Variants in MARCHF1 observed in about 807,000 individuals in gnomAD.
MARCHF1 encodes membrane associated ring-CH-type finger 1.
In MARCHF1, 40 loss-of-function variants were observed where a neutral mutation model predicts 54.2. The observed-to-expected ratio is 0.74, with a 90% CI of 0.57 to 0.96. The LOEUF is 0.96. Ranked by LOEUF, MARCHF1 falls within the 40% of genes least tolerant of loss-of-function variation. The pLI is 0.00. For missense variants in MARCHF1, 586 were observed against 656.5 expected (o/e 0.89, Z 1.17); for synonymous variants, 236 against 236.3 (o/e 1.00, Z 0.01).
intron 1 of MARCHF1, among the ~76,000 whole-genome samples, chr4:164,270,330 C>T (rs995419016): frequency 6.6e-6 from 1 of 152,158 alleles, no homozygotes; most frequent in South Asian, 2.1e-4. Flanking sequence ...AGCTTTCCTG[C>T]CCACCCTATT....
rs537702155 is a variant in MARCHF1, at chr4:164,311,238, G to A, written c.-323+72632C>T. 1.4e-4 allele frequency among the ~76,000 whole-genome samples: 22 copies of A among 152,068 alleles called. 1 individual carries two copies. In the East Asian group the frequency reaches 1.7e-3, roughly 12 times the overall value. On this transcript the variant is annotated intron_variant, in intron 1 of 9. Transcript: ENST00000514618. ...AGGATGATTACTACTCATAATACCC[G>A]AGGTTTTCTTAAATAACTCTCAGTT...
chr4:163,718,977 G>T (rs1423195833), intron 4 of MARCHF1, among the ~76,000 whole-genome samples: 3 of 152,126 alleles, frequency 2.0e-5, no homozygotes, highest in African/African-American at 4.8e-5. Context: ...TCTGCCACAT[G>T]TCCAACTCTA....
intron 8 of MARCHF1, among the ~76,000 whole-genome samples, chr4:163,556,776 G>C (rs1039094580): frequency 6.6e-6 from 1 of 151,680 alleles, no homozygotes; most frequent in Admixed American, 6.6e-5. Flanking sequence ...CATTTTATCA[G>C]TACTTTGATA....
At chr4:163,871,442 A>G (rs1387039016) in intron 3 of MARCHF1, among the ~76,000 whole-genome samples, 15 of 152,122 alleles carry the variant, frequency 9.9e-5, no homozygotes, top group Admixed American at 9.8e-4. Flanking sequence ...ACCAATATCA[A>G]AACTCTACTT....
intron 4 of MARCHF1, among the ~76,000 whole-genome samples, chr4:163,764,135 G>T (rs998501738): frequency 6.6e-6 from 1 of 152,002 alleles, no homozygotes; most frequent in African/African-American, 2.4e-5. Context: ...TATATTCCTT[G>T]AGGGTTTAGT....
chr4:163,609,176 C>T (rs1337030275), intron 7 of MARCHF1, among the ~76,000 whole-genome samples: 3 of 152,038 alleles, frequency 2.0e-5, no homozygotes, highest in African/African-American at 7.2e-5. Flanking sequence ...ACTGTGACTG[C>T]TCTTCTGCAG....
At chr4:164,155,649 G>T (rs28651896) in intron 1 of MARCHF1, among the ~76,000 whole-genome samples, 26,971 of 151,956 alleles carry the variant, frequency 0.18, 3,670 homozygotes, top group African/African-American at 0.36. Flanking sequence ...TGACATAGAG[G>T]ATGGAATAAT....
At chr4:164,199,677 C>G (rs373945752) in intron 1 of MARCHF1, among the ~76,000 whole-genome samples, 9,574 of 58,534 alleles carry the variant, frequency 0.16, 435 homozygotes, top group Middle Eastern at 0.25. Flanking sequence ...CACACACACA[C>G]ACACAGAGAG....
rs755203559 is a variant in MARCHF1, at chr4:164,197,351, C to A, written c.-322-85689G>T. The A allele has an allele frequency of 1.9e-6, 3 of 1,612,666 alleles. No individual in the cohort carries two copies. In the South Asian group the frequency reaches 3.3e-5, roughly 18 times the overall value. On this transcript the variant is annotated intron_variant, in intron 1 of 9. Transcript: ENST00000514618. Reference sequence around the variant, plus strand: ...TCTCCGTAGTCGTTCAGGTTGGTTACCTCGCAATTGAAAAGGTCTAAGCTC... The same window carrying A: ...TCTCCGTAGTCGTTCAGGTTGGTTAACTCGCAATTGAAAAGGTCTAAGCTC...
chr4:163,904,351 G>A (rs1751008710), intron 3 of MARCHF1, among the ~76,000 whole-genome samples: 2 of 152,184 alleles, frequency 1.3e-5, no homozygotes, highest in Admixed American at 1.3e-4. Context: ...TAGCTTCTGA[G>A]AGTAACTGTT....
At position 163,696,466 on chromosome 4, in the gene MARCHF1, C is replaced by T. The variant is rs1244880566; in HGVS notation, c.162+4347G>A. 2.6e-5 allele frequency among the ~76,000 whole-genome samples: 4 copies of T among 152,112 alleles called. No homozygotes were observed. In the East Asian group the frequency reaches 7.7e-4, roughly 29 times the overall value. On this transcript the variant is annotated intron_variant, in intron 5 of 9. Coordinates refer to ENST00000514618, the MANE Select transcript of MARCHF1 (RefSeq NM_001394959.1). ...ATTTCTCTGTTTCTAAGCCAGATGA[C>T]ACTTCAGTGACTGCTGTTGAGCACC...
At chr4:164,176,882 T>C (rs955186910) in intron 1 of MARCHF1, among the ~76,000 whole-genome samples, 4 of 149,948 alleles carry the variant, frequency 2.7e-5, no homozygotes, top group African/African-American at 9.7e-5. Context: ...ATTTTATTCT[T>C]AGATTTTTCT....
chr4:163,898,657 A>G (rs1750870445), intron 3 of MARCHF1, among the ~76,000 whole-genome samples: 1 of 152,122 alleles, frequency 6.6e-6, no homozygotes, highest in Non-Finnish European at 1.5e-5. Context: ...TAGAAATATC[A>G]CTCAACCTAT....
intron 1 of MARCHF1, among the ~76,000 whole-genome samples, chr4:164,275,660 T>C (rs1469964677): frequency 6.6e-6 from 1 of 151,362 alleles, no homozygotes; most frequent in African/African-American, 2.4e-5. Flanking sequence ...TAAATTGTCA[T>C]GCATTGTTAA....
chr4:163,584,232 T>C (rs1180684712), intron 8 of MARCHF1: 2 of 151,806 alleles, frequency 1.3e-5, no homozygotes, highest in Non-Finnish European at 2.9e-5. Flanking sequence ...AAGAGAAAAT[T>C]AGAATATGTT....
chr4:164,062,251 C>G (rs1754634537), intron 2 of MARCHF1, among the ~76,000 whole-genome samples: 1 of 152,258 alleles, frequency 6.6e-6, no homozygotes, highest in East Asian at 1.9e-4. Flanking sequence ...GCTTCTAACT[C>G]TAGTACTCTC....
At chr4:163,797,620 A>G (rs1178387700) in intron 4 of MARCHF1, among the ~76,000 whole-genome samples, 1 of 151,294 alleles carries the variant, frequency 6.6e-6, no homozygotes, top group Non-Finnish European at 1.5e-5. Context: ...TTGGTTTGAT[A>G]CTCCAGTTCA....
chr4:164,326,817 C>A (rs900764425), intron 1 of MARCHF1, among the ~76,000 whole-genome samples: 6 of 152,046 alleles, frequency 3.9e-5, no homozygotes, highest in African/African-American at 1.4e-4. Flanking sequence ...AAACTAAAGG[C>A]TTCCTGTAGT....
intron 1 of MARCHF1, among the ~76,000 whole-genome samples, chr4:164,175,716 T>G (rs951193337): frequency 2.6e-5 from 4 of 152,210 alleles, no homozygotes; most frequent in Non-Finnish European, 2.9e-5. Context: ...CCAGTCTGTC[T>G]TCAGACTGAA....
Sources: gnomAD v4.1 joint callset for allele counts (sites outside exome capture counted in the v4.1 genomes callset) on GRCh38, gnomAD v4.1.1 for gene constraint, MANE v1.5 for transcripts, NCBI Gene and HGNC (gene_info 2026-07-23, HGNC 2026-07-21) for gene names.